The following INPP1 variants were observed in gnomAD, a reference collection of about 807,000 sequenced individuals.
The protein encoded by INPP1 is inositol polyphosphate 1-phosphatase.
A neutral mutation model predicts 23.0 loss-of-function variants in INPP1; 18 were observed. The ratio of observed to expected loss-of-function variants is 0.78; its 90% CI spans 0.54 to 1.16. The LOEUF is 1.16. Ranked by LOEUF, INPP1 falls within the 50% of genes most tolerant of loss-of-function variation. The probability of loss-of-function intolerance (pLI) is 0.00; values close to 1 mark genes in which losing one functional copy is unlikely to be tolerated. For missense variants in INPP1, 448 were observed against 482.1 expected (o/e 0.93, Z 0.66); for synonymous variants, 164 against 176.3 (o/e 0.93, Z 0.55).
At chr2:190,370,822 A>T (rs1279677770) in intron 6 of INPP1, 22 bp from the exon 7 acceptor site, 4 of 1,537,366 alleles carry the variant, frequency 2.6e-6, no homozygotes, top group Non-Finnish European at 3.5e-6. Context: ...AATCATCACC[A>T]ATTGAAATTT....
Position 190,345,763 on chromosome 2 carries a change from G to A in INPP1, c.-209+1802G>A, listed in dbSNP as rs1689203457. On this transcript the variant is annotated intron_variant, in intron 1 of 6. Coordinates refer to ENST00000392329, the MANE Select transcript of INPP1 (RefSeq NM_001128928.2). The surrounding 1 kb of genome is among the most constrained non-coding windows in gnomAD (Gnocchi z 4.9). ...TATCCCTGCACTTTGGGAGGCCAAG[G>A]CAGGTGGATCACTTGAGGTTAGGAG... Among the ~76,000 whole-genome samples the A allele has an allele frequency of 6.6e-6, 1 of 152,226 alleles. No individual in the cohort carries two copies. The highest frequency in any genetic ancestry group is 1.5e-5 in the Non-Finnish European group (1 of 68,048).
intron 2 of INPP1, among the ~76,000 whole-genome samples, chr2:190,353,839 G>A (rs1186914098): frequency 6.6e-6 from 1 of 152,194 alleles, no homozygotes; most frequent in Non-Finnish European, 1.5e-5. Context: ...AACCTCTGAT[G>A]TTCTGATAAT....
Position 190,363,701 on chromosome 2 carries a change from G to T in INPP1, c.265+1014G>T, listed in dbSNP as rs6707681. ...AGTTCTATGTTAGTAATACGGGAAA[G>T]AAATCTTTTAAACCTCTGAAGGTTA... is the stretch of plus-strand genomic sequence containing the variant. On this transcript the variant is annotated intron_variant, in intron 4 of 6. Transcript: ENST00000392329. This position sits in a 1 kb window ranked among gnomAD's most constrained non-coding sequence, Gnocchi z 4.4. 0.41 allele frequency among the ~76,000 whole-genome samples: 62,360 copies of T among 151,794 alleles called. 14,780 individuals are homozygous for T. Among genetic ancestry groups the T allele is most frequent in the African/African-American group, 0.66 (27,123 of 41,324 alleles).
chr2:190,366,690 C>T lies in INPP1; in HGVS notation c.266-5C>T. Reference sequence around the variant, plus strand: ...GTAATGGCTTATCGTGTGGCTTTACCCTAGGGGAAAAGATTACCTTGAGGT... The same window carrying T: ...GTAATGGCTTATCGTGTGGCTTTACTCTAGGGGAAAAGATTACCTTGAGGT... On this transcript the variant is annotated splice_polypyrimidine_tract_variant and splice_region_variant and intron_variant, in intron 4 of 6. Coordinates refer to ENST00000392329, the MANE Select transcript of INPP1 (RefSeq NM_001128928.2). 1 of 1,606,018 alleles carries T rather than the reference C, an allele frequency of 6.2e-7. No homozygotes were observed. Among genetic ancestry groups the T allele is most frequent in the Non-Finnish European group, 8.5e-7 (1 of 1,172,878 alleles).
intron 2 of INPP1, among the ~76,000 whole-genome samples, chr2:190,350,454 T>C (rs1422952449): frequency 1.3e-5 from 2 of 152,238 alleles, no homozygotes; most frequent in African/African-American, 4.8e-5. Context: ...GTCTCTATTT[T>C]TAATGTGTCT....
In INPP1 at chr2:190,369,251, T is replaced by C. The variant is rs1245187935; in HGVS notation, c.615T>C (p.Phe205=). The change falls in exon 6 of 7, where the codon TTT becomes TTC. Residue 205 remains phenylalanine (F), a synonymous_variant. Coordinates refer to ENST00000392329, the MANE Select transcript of INPP1 (RefSeq NM_001128928.2). The part of the protein sequence containing the change: ...VPLMGVINQP[F]VSRDPNTLRW... Reference sequence around the variant, plus strand: ...TGATGGGAGTCATCAATCAACCTTTTGTGTCACGAGATCCAAACACCCTCA... The same window carrying C: ...TGATGGGAGTCATCAATCAACCTTTCGTGTCACGAGATCCAAACACCCTCA... 5 of 1,593,070 alleles carry C rather than the reference T, an allele frequency of 3.1e-6. No homozygotes were observed.
At chr2:190,348,061 C>T (rs1365327209) in intron 1 of INPP1, among the ~76,000 whole-genome samples, 1 of 152,230 alleles carries the variant, frequency 6.6e-6, no homozygotes, top group Admixed American at 6.5e-5. Flanking sequence ...TCGCTTGAAC[C>T]TGGGAGGCGG....
chr2:190,358,636 C>T (rs1048313421), intron 2 of INPP1, among the ~76,000 whole-genome samples: 2 of 152,240 alleles, frequency 1.3e-5, no homozygotes, highest in Non-Finnish European at 2.9e-5. Context: ...GAAGAAGTTA[C>T]TTAACCTTGC....
intron 3 of INPP1, 118 bp from the exon 4 acceptor site, chr2:190,362,509 T>G (rs2067421): frequency 0.34 from 194,539 of 564,676 alleles, 37,542 homozygotes; most frequent in African/African-American, 0.66. Flanking sequence ...AATTGGAAAT[T>G]TTGGAATTTC....
In INPP1 at chr2:190,356,389, G is replaced by T. The variant is rs1160844189; in HGVS notation, c.-64-3650G>T. On this transcript the variant is annotated intron_variant, in intron 2 of 6. Transcript: ENST00000392329. The surrounding 1 kb of genome is among the most constrained non-coding windows in gnomAD (Gnocchi z 6.4). ...CGGTAGACCTGTTCATTACAGGGCT[G>T]CAGTGAATAGCCAGTACTTCTTTCC... 6.6e-6 allele frequency: 1 copy of T among 152,218 alleles called. No homozygotes were observed. The highest frequency in any genetic ancestry group is 6.5e-5 in the Admixed American group (1 of 15,282). The allele number at this position is 152,218 out of a possible 1,614,324, so 9.4% of individuals were successfully genotyped here. A position where few individuals can be genotyped will look rare whatever the true frequency, so the allele number is the denominator to read the frequency against.
chr2:190,369,880 G>C, intron 6 of INPP1, among the ~76,000 whole-genome samples: 1 of 152,168 alleles, frequency 6.6e-6, no homozygotes, highest in East Asian at 1.9e-4. Context: ...AGTCCAGGTG[G>C]AACAAGCAGT....
At position 190,352,943 on chromosome 2, in the gene INPP1, A is replaced by G. The variant is rs958624954; in HGVS notation, c.-65+3912A>G. 1.3e-5 allele frequency among the ~76,000 whole-genome samples: 2 copies of G among 152,228 alleles called. No individual in the cohort carries two copies. The highest frequency in any genetic ancestry group is 4.8e-5 in the African/African-American group (2 of 41,466). On this transcript the variant is annotated intron_variant, in intron 2 of 6. Coordinates refer to ENST00000392329, the MANE Select transcript of INPP1 (RefSeq NM_001128928.2). The surrounding 1 kb of genome is among the most constrained non-coding windows in gnomAD (Gnocchi z 4.7). ...TGCCATTCCTCAGAAGATGAGAGCC[A>G]GAATTCAGGATGTGAACCGTGGGGG...
chr2:190,358,540 G>T lies in INPP1; in HGVS notation c.-64-1499G>T, dbSNP rs376633155. On this transcript the variant is annotated intron_variant, in intron 2 of 6. Transcript: ENST00000392329. ...GCCTATTAAGGGAATTTCTTTTAATGAAGGAAACTGTATTATGATAATAAA... is the reference window on the plus strand; with the variant it reads ...GCCTATTAAGGGAATTTCTTTTAATTAAGGAAACTGTATTATGATAATAAA... 5.3e-4 allele frequency among the ~76,000 whole-genome samples: 81 copies of T among 152,316 alleles called. 1 individual carries two copies. The South Asian group carries it at 0.017, about 31-fold the overall frequency.
chr2:190,365,028 G>C (rs1199315313), intron 4 of INPP1: 1 of 166,078 alleles, frequency 6.0e-6, no homozygotes, highest in Non-Finnish European at 1.5e-5. Flanking sequence ...ACGTTCCAAA[G>C]TGCCATGTTT....
intron 4 of INPP1, 74 bp downstream of exon 4, chr2:190,362,761 G>GGTATA: frequency 4.1e-6 from 4 of 984,110 alleles, no homozygotes; most frequent in Non-Finnish European, 6.1e-6. Context: ...TTTATACCAT[G>GGTATA]AACTAAATGT....
intron 3 of INPP1, among the ~76,000 whole-genome samples, chr2:190,361,274 A>T (rs1559083223): frequency 6.6e-6 from 1 of 152,210 alleles, no homozygotes. Context: ...TTATATGATA[A>T]TCTAACCATT....
At chr2:190,360,862 T>C (rs1160061506) in intron 3 of INPP1, among the ~76,000 whole-genome samples, 1 of 152,164 alleles carries the variant, frequency 6.6e-6, no homozygotes, top group Non-Finnish European at 1.5e-5. Context: ...GTTATGAGAT[T>C]GTAGCTGGAG....
In INPP1 at chr2:190,359,320, A is replaced by G. The variant is rs116352770; in HGVS notation, c.-64-719A>G. 5.7e-3 allele frequency among the ~76,000 whole-genome samples: 866 copies of G among 152,008 alleles called. 4 individuals are homozygous for G. The highest frequency in any genetic ancestry group is 0.02 in the African/African-American group (847 of 41,434). ...GTCTCAAAAACAAAAACAGCAAAAA[A>G]GGTGCTAGCTGGTCTGGTACTTAGT... On this transcript the variant is annotated intron_variant, in intron 2 of 6. Coordinates refer to ENST00000392329, the MANE Select transcript of INPP1 (RefSeq NM_001128928.2).
rs201135097 is a variant in INPP1 at position 190,360,258 on chromosome 2, G to A, written c.156G>A (p.Leu52=). The A allele has an allele frequency of 1.9e-6, 3 of 1,614,186 alleles. No individual in the cohort carries two copies. The highest frequency in any genetic ancestry group is 3.3e-5 in the Admixed American group (2 of 60,022). Residue 52 remains leucine (L), a synonymous_variant, in exon 3 of 7, where the codon CTG becomes CTA. Transcript: ENST00000392329. ...NKKFAVDFKT[L]ADVLVQEVIK... ...AGTTTGCAGTTGACTTCAAGACGCTGGCTGATGTACTGGTACAGGAAGTTA... is the reference window on the plus strand; with the variant it reads ...AGTTTGCAGTTGACTTCAAGACGCTAGCTGATGTACTGGTACAGGAAGTTA...
Sources: gnomAD v4.1 joint callset for allele counts (sites outside exome capture counted in the v4.1 genomes callset) on GRCh38, gnomAD v4.1.1 for gene constraint, Gnocchi (gnomAD v3.1) non-coding constraint, MANE v1.5 for transcripts, NCBI Gene and HGNC (gene_info 2026-07-23, HGNC 2026-07-21) for gene names.